ANKIB1: variants seen among roughly 807,000 people sequenced by gnomAD.
ANKIB1 encodes the protein ankyrin repeat and IBR domain containing 1, also known as ankyrin repeat and IBR domain-containing protein 1.
ANKIB1 carries 43 observed loss-of-function variants against 122.1 expected under a neutral mutation model. The observed-to-expected ratio is 0.35, with a 90% CI of 0.28 to 0.45. The LOEUF is 0.45. ANKIB1 is among the 20% of genes least tolerant of loss of function. ANKIB1 has a pLI of 1.00. For synonymous variants in ANKIB1, 390 were observed against 442.0 expected, an observed-to-expected ratio of 0.88 and a Z score of 1.48; for missense variants, 992 against 1,329.5, an observed-to-expected ratio of 0.75 and a Z score of 3.95.
At chr7:92,260,431 A>G (rs1008012062) in intron 1 of ANKIB1, among the ~76,000 whole-genome samples, 1 of 152,142 alleles carries the variant, frequency 6.6e-6, no homozygotes, top group Admixed American at 6.5e-5. Context: ...TAATCCCAAC[A>G]CTTTGGGAGG....
chr7:92,298,959 T>C (rs1802409135), intron 2 of ANKIB1, among the ~76,000 whole-genome samples: 1 of 152,232 alleles, frequency 6.6e-6, no homozygotes, highest in African/African-American at 2.4e-5. Flanking sequence ...ACACCTGTGC[T>C]GTTGTTTGAG....
At chr7:92,383,491 A>G (rs1387686269) in intron 11 of ANKIB1, among the ~76,000 whole-genome samples, 2 of 152,248 alleles carry the variant, frequency 1.3e-5, no homozygotes, top group Non-Finnish European at 2.9e-5. Flanking sequence ...AAAAATCCTC[A>G]ATAAATACTG....
rs1166470234 is a variant in ANKIB1 at position 92,396,404 on chromosome 7, C to T, written c.2323C>T (p.Arg775Cys). Residue 775 changes from arginine to cysteine, a missense_variant, in exon 18 of 20, where the codon CGT becomes TGT. Physicochemically the swap from Arg to Cys is radical, Grantham distance 180. Transcript: ENST00000265742. ...TCAGTATCGGAGGAGGCACAGACAACGTCGTCGAGGAGATGTTCACAGTCT... is the reference window on the plus strand; with the variant it reads ...TCAGTATCGGAGGAGGCACAGACAATGTCGTCGAGGAGATGTTCACAGTCT... ...EFQYRRRHRQRRRGDVHSLLS... is the reference protein window; with the variant it reads ...EFQYRRRHRQCRRGDVHSLLS... 12 of 1,597,324 alleles carry T rather than the reference C, an allele frequency of 7.5e-6. No individual in the cohort carries two copies. Among genetic ancestry groups the T allele is most frequent in the Non-Finnish European group, 8.5e-6 (10 of 1,171,216 alleles).
chr7:92,363,237 C>T (rs933214724), intron 10 of ANKIB1, among the ~76,000 whole-genome samples: 2 of 151,868 alleles, frequency 1.3e-5, no homozygotes, highest in Non-Finnish European at 2.9e-5. Flanking sequence ...ATGGTGAAAC[C>T]CCATCTCTAC....
chr7:92,366,936 A>G (rs1804099163), intron 10 of ANKIB1, among the ~76,000 whole-genome samples: 1 of 152,170 alleles, frequency 6.6e-6, no homozygotes, highest in Non-Finnish European at 1.5e-5. Flanking sequence ...TTCCATACCC[A>G]CAGATAAGAT....
At position 92,319,525 on chromosome 7, in the gene ANKIB1, T is replaced by C. The variant is rs1802860510; in HGVS notation, c.669+13T>C. On this transcript the variant is annotated intron_variant, in intron 4 of 19. Transcript: ENST00000265742. ...AGACAAACGAGAGGTCAGTTTATTT[T>C]TTCTTCTCAGTAAAAAAATTACATG... 6.3e-7 allele frequency: 1 copy of C among 1,587,480 alleles called. No individual in the cohort carries two copies. Among genetic ancestry groups the C allele is most frequent in the Non-Finnish European group, 8.5e-7 (1 of 1,173,458 alleles).
chr7:92,273,793 G>A (rs1801845568), intron 1 of ANKIB1, among the ~76,000 whole-genome samples: 1 of 147,050 alleles, frequency 6.8e-6, no homozygotes, highest in Non-Finnish European at 1.5e-5. Context: ...TTTTTTTTGA[G>A]ACAGGGAATC....
intron 1 of ANKIB1, among the ~76,000 whole-genome samples, chr7:92,281,347 T>C (rs1802008870): frequency 6.6e-6 from 1 of 152,194 alleles, no homozygotes. Context: ...ACAAACAATT[T>C]GGGCACTTTG....
intron 19 of ANKIB1, 28 bp from the exon 20 acceptor site, chr7:92,398,184 A>C (rs1160943283): frequency 6.5e-7 from 1 of 1,536,070 alleles, no homozygotes; most frequent in East Asian, 2.3e-5. Flanking sequence ...GTCAAATTTT[A>C]AAGTGGTTTT....
rs368927951 is a variant in ANKIB1 at position 92,299,328 on chromosome 7, G to A, written c.188+4162G>A. 1.1e-4 allele frequency among the ~76,000 whole-genome samples: 17 copies of A among 152,286 alleles called. No homozygotes were observed. The South Asian group carries it at 3.3e-3, about 30-fold the overall frequency. On this transcript the variant is annotated intron_variant, in intron 2 of 19. Coordinates refer to ENST00000265742, the MANE Select transcript of ANKIB1 (RefSeq NM_019004.2). ...AATATTTTTGAGAAGATCAGTGTATGATTTTTAAAAATTATGTATGGGTGA... is the reference window on the plus strand; with the variant it reads ...AATATTTTTGAGAAGATCAGTGTATAATTTTTAAAAATTATGTATGGGTGA...
chr7:92,259,343 G>C (rs889564857), intron 1 of ANKIB1, among the ~76,000 whole-genome samples: 1 of 152,070 alleles, frequency 6.6e-6, no homozygotes, highest in African/African-American at 2.4e-5. Flanking sequence ...CTTTCTCCAT[G>C]GTTCTTACCA....
At chr7:92,358,522 G>T (rs1333343997) in intron 9 of ANKIB1, among the ~76,000 whole-genome samples, 1 of 146,662 alleles carries the variant, frequency 6.8e-6, no homozygotes, top group African/African-American at 2.5e-5. Flanking sequence ...AGCAATTACG[G>T]CTTTTGAAGA....
chr7:92,276,312 A>C (rs1483906878), intron 1 of ANKIB1, among the ~76,000 whole-genome samples: 1 of 152,236 alleles, frequency 6.6e-6, no homozygotes, highest in Non-Finnish European at 1.5e-5. Context: ...CTCATTTACC[A>C]ATTTAATAGG....
chr7:92,329,043 C>CTACA (rs1427304123), intron 5 of ANKIB1, among the ~76,000 whole-genome samples: 1 of 150,420 alleles, frequency 6.6e-6, no homozygotes, highest in African/African-American at 2.4e-5. Flanking sequence ...TCTTGGCTCA[C>CTACA]TACAACCTCT....
chr7:92,303,391 A>G (rs1301250060), intron 2 of ANKIB1, among the ~76,000 whole-genome samples: 3 of 152,188 alleles, frequency 2.0e-5, no homozygotes, highest in African/African-American at 7.2e-5. Context: ...GGGATATTCA[A>G]TCTATAGTAG....
chr7:92,376,470 A>G (rs981352483), intron 11 of ANKIB1, among the ~76,000 whole-genome samples: 1 of 143,442 alleles, frequency 7.0e-6, no homozygotes, highest in Non-Finnish European at 1.5e-5. Context: ...TTTTTTTGAG[A>G]CAAAGTCTCG....
chr7:92,271,272 A>G (rs1801785640), intron 1 of ANKIB1, among the ~76,000 whole-genome samples: 1 of 152,172 alleles, frequency 6.6e-6, no homozygotes, highest in Non-Finnish European at 1.5e-5. Context: ...TGAATTAACC[A>G]TATTTGTATA....
intron 1 of ANKIB1, among the ~76,000 whole-genome samples, chr7:92,249,491 T>C (rs1476112780): frequency 1.3e-5 from 2 of 151,914 alleles, no homozygotes; most frequent in African/African-American, 4.8e-5. Context: ...GAGGCCGAGG[T>C]GGACAGATCA....
chr7:92,295,061 C>A lies in ANKIB1; in HGVS notation c.83C>A (p.Pro28His). ...NLACQIYENN[P>H]QLKESLDPNT... ...GCCTGCCAAATATATGAAAACAATC[C>A]TCAGCTAAAAGAATCTCTTGATCCA... Residue 28 changes from proline (P) to histidine (H), a missense_variant, in exon 2 of 20, where the codon CCT becomes CAT. Pro to His is a moderately conservative substitution (Grantham distance 77). Coordinates refer to ENST00000265742, the MANE Select transcript of ANKIB1 (RefSeq NM_019004.2). 1 of 1,600,330 alleles carries A rather than the reference C, an allele frequency of 6.2e-7. No homozygotes were observed.
Sources: allele counts gnomAD v4.1 joint callset (sites outside exome capture counted in the v4.1 genomes callset), GRCh38; gene constraint gnomAD v4.1.1; transcripts MANE v1.5; gene names NCBI Gene and HGNC (gene_info 2026-07-23, HGNC 2026-07-21).